The following FASN variants were observed in gnomAD, a reference collection of about 807,000 sequenced individuals.
FASN encodes the protein 3-hydroxyacyl-[acyl-carrier-protein] dehydratase.
Under a neutral mutation model 250.0 loss-of-function variants are expected in FASN, and 50 were observed. The observed-to-expected ratio is 0.20, with a 90% confidence interval of 0.16 to 0.25. The LOEUF is 0.25. Among genes scored for constraint, FASN ranks in the 10% least tolerant of loss-of-function variants. FASN has a pLI of 1.00. For synonymous variants in FASN, 1,909 were observed against 1,584.0 expected, an observed-to-expected ratio of 1.21 and a Z score of -4.87; for missense variants, 3,031 against 3,498.5, an observed-to-expected ratio of 0.87 and a Z score of 3.37.
chr17:82,089,774 C>T lies in FASN; in HGVS notation c.1871-48G>A, dbSNP rs1170798389. The T allele has an allele frequency of 2.0e-6, 3 of 1,492,328 alleles. No homozygotes were observed. In the South Asian group the frequency reaches 3.6e-5, roughly 18 times the overall value. 92.4% of individuals were successfully genotyped at this position (1,492,328 alleles called of 1,614,324 possible). On this transcript the variant is annotated intron_variant, in intron 11 of 42. Transcript: ENST00000306749. Reference sequence around the variant, plus strand: ...GGCTTAGCGTGGACACCGAGCCGCTCCCAGCCACCCACCCACCCAGACACT... The same window carrying T: ...GGCTTAGCGTGGACACCGAGCCGCTTCCAGCCACCCACCCACCCAGACACT...
intron 15 of FASN, 74 bp downstream of exon 15, chr17:82,088,686 GC>G: frequency 6.6e-7 from 1 of 1,514,246 alleles, no homozygotes; most frequent in Non-Finnish European, 9.1e-7. Flanking sequence ...TCAGTGAGGG[GC>G]CCGCAGCCCC....
At position 82,085,878 on chromosome 17, in the gene FASN, G is replaced by A. The variant is rs559481797; in HGVS notation, c.3733-7C>T. 6.5e-7 allele frequency: 1 copy of A among 1,528,978 alleles called. No individual in the cohort carries two copies. The highest frequency in any genetic ancestry group is 1.9e-5 in the Admixed American group (1 of 51,526). The allele number at this position is 1,528,978 out of a possible 1,614,324, so 94.7% of individuals were successfully genotyped here. A position where few individuals can be genotyped will look rare whatever the true frequency, so the allele number is the denominator to read the frequency against. On this transcript the variant is annotated splice_region_variant and splice_polypyrimidine_tract_variant and intron_variant, in intron 22 of 42. Coordinates refer to ENST00000306749, the MANE Select transcript of FASN (RefSeq NM_004104.5). ...GACCGTGGCCAGCCAGCACCTGTAG[G>A]GGGTGAATTCTGGAATCAGCCCCAC...
chr17:82,093,092 G>A lies in FASN; in HGVS notation c.656-73C>T. On this transcript the variant is annotated intron_variant, in intron 5 of 42. Coordinates refer to ENST00000306749, the MANE Select transcript of FASN (RefSeq NM_004104.5). ...CCCACCCCACCAGGAGGAGCTCTGG[G>A]GTGTGGGGTGGGTGCTTGGGTGGGG... 8 of 1,593,308 alleles carry A rather than the reference G, an allele frequency of 5.0e-6. No homozygotes were observed. In the South Asian group the frequency reaches 7.9e-5, roughly 16 times the overall value.
chr17:82,081,820 T>C lies in FASN; in HGVS notation c.6187A>G (p.Ile2063Val), dbSNP rs759457636. 3 of 1,604,914 alleles carry C rather than the reference T, an allele frequency of 1.9e-6. No homozygotes were observed. Among genetic ancestry groups the C allele is most frequent in the East Asian group, 2.3e-5 (1 of 44,362 alleles). Reference protein sequence around the residue: ...LPGLAVQWGAIGDVGILVETM... With the variant: ...LPGLAVQWGAVGDVGILVETM... ...TCCACCAAAATGCCCACGTCGCCGATGGCGCCCCACTGCACGGCCAGGCCT... is the reference window on the plus strand; with the variant it reads ...TCCACCAAAATGCCCACGTCGCCGACGGCGCCCCACTGCACGGCCAGGCCT... The change falls in exon 37 of 43, where the codon ATC becomes GTC. Residue 2063 changes from isoleucine (I) to valine (V), a missense_variant. By Grantham distance (29) the Ile-to-Val change is conservative. Transcript: ENST00000306749.
chr17:82,081,321 G>A lies in FASN; in HGVS notation c.6438C>T (p.Asp2146=). 1 of 1,557,984 alleles carries A rather than the reference G, an allele frequency of 6.4e-7. No individual in the cohort carries two copies. Among genetic ancestry groups the A allele is most frequent in the Non-Finnish European group, 8.7e-7 (1 of 1,151,376 alleles). Residue 2146 remains aspartate (D), a synonymous_variant, in exon 38 of 43, where the codon GAC becomes GAT. Coordinates refer to ENST00000306749, the MANE Select transcript of FASN (RefSeq NM_004104.5). ...CCAGGCCCAGGTCCGCCAGTGAGCTGTCCAGGTTGACAGCAGCCAAGTCGC... is the reference window on the plus strand; with the variant it reads ...CCAGGCCCAGGTCCGCCAGTGAGCTATCCAGGTTGACAGCAGCCAAGTCGC... ...GIRDLAAVNL[D]SSLADLGLDS...
At position 82,088,117 on chromosome 17, in the gene FASN, A is replaced by C. The variant is rs769018400; in HGVS notation, c.2784T>G (p.Thr928=). 1.2e-6 allele frequency: 2 copies of C among 1,612,742 alleles called. No homozygotes were observed. Among genetic ancestry groups the C allele is most frequent in the South Asian group, 1.1e-5 (1 of 91,078 alleles). The change falls in exon 17 of 43, where the codon ACT becomes ACG. Residue 928 remains threonine (T), a splice_region_variant and synonymous_variant. Transcript: ENST00000306749. Reference sequence around the variant, plus strand: ...CCTTGGTCCTGGGGTACCCCTCACCAGTCTTGGGCAGGATGGTGGCCTGGT... The same window carrying C: ...CCTTGGTCCTGGGGTACCCCTCACCCGTCTTGGGCAGGATGGTGGCCTGGT... The part of the protein sequence containing the change: ...VLHQATILPK[T]GTVSLEVRLL...
chr17:82,080,651 C>A (rs1338575038), intron 39 of FASN, 41 bp downstream of exon 39: 1 of 1,554,426 alleles, frequency 6.4e-7, no homozygotes, highest in Non-Finnish European at 8.7e-7. Context: ...CCCGTGATGG[C>A]CAGCACTGAC....
At position 82,093,767 on chromosome 17, in the gene FASN, G is replaced by A. The variant is rs1344354574; in HGVS notation, c.285C>T (p.Ile95=). The A allele has an allele frequency of 6.2e-7, 1 of 1,612,274 alleles. No homozygotes were observed. The highest frequency in any genetic ancestry group is 8.5e-7 in the Non-Finnish European group (1 of 1,179,854). Residue 95 remains isoleucine, a synonymous_variant, in exon 4 of 43, where the codon ATC becomes ATT. Coordinates refer to ENST00000306749, the MANE Select transcript of FASN (RefSeq NM_004104.5). ...VTYEAIVDGG[I]NPDSLRGTHT... ...GTGTTCCTCGGAGTGAATCTGGGTT[G>A]ATGCCTGCCACAAACAGTGGTCAAG... is the stretch of plus-strand genomic sequence containing the variant.
At position 82,084,754 on chromosome 17, in the gene FASN, C is replaced by T. The variant is rs200746610; in HGVS notation, c.4565-38G>A. On this transcript the variant is annotated intron_variant, in intron 26 of 42. Coordinates refer to ENST00000306749, the MANE Select transcript of FASN (RefSeq NM_004104.5). ...GGAGGTGGGGCTGCTGCGGGGCCTT[C>T]GGGTGCAGTCTCCCGGGAGGGGCAG... 6.3e-5 allele frequency: 97 copies of T among 1,550,044 alleles called. No individual in the cohort carries two copies. The African/African-American group carries it at 9.0e-4, about 14-fold the overall frequency.
At position 82,088,290 on chromosome 17, in the gene FASN, G is replaced by A; in HGVS notation, c.2611C>T (p.Pro871Ser). Residue 871 changes from proline to serine, a missense_variant, in exon 17 of 43, where the codon CCT becomes TCT. Pro to Ser is a moderately conservative substitution (Grantham distance 74). Coordinates refer to ENST00000306749, the MANE Select transcript of FASN (RefSeq NM_004104.5). ...IYNIDTSSES[P>S]DHYLVDHTLD... ...GTGTGGTCCACCAGGTAGTGGTCAG[G>A]AGACTCGGAGCTGGTGTCTGCGGGA... 1 of 1,606,432 alleles carries A rather than the reference G, an allele frequency of 6.2e-7. No individual in the cohort carries two copies. The highest frequency in any genetic ancestry group is 1.3e-5 in the African/African-American group (1 of 75,054).
At position 82,080,828 on chromosome 17, in the gene FASN, G is replaced by A; in HGVS notation, c.6690C>T (p.Thr2230=). 1.2e-6 allele frequency: 2 copies of A among 1,610,494 alleles called. No individual in the cohort carries two copies. The highest frequency in any genetic ancestry group is 8.5e-7 in the Non-Finnish European group (1 of 1,179,274). ...RSLLVNPEGP[T]LMRLNSVQSS... is the part of the protein sequence containing the mutation. ...TCTGCACGGAGTTGAGCCGCATCAG[G>A]GTGGGGCCCTCCGGGTTCACCAGCA... The change falls in exon 39 of 43, where the codon ACC becomes ACT. Residue 2230 remains threonine, a synonymous_variant. Transcript: ENST00000306749.
rs1364481203 is a variant in FASN, at chr17:82,098,180, C to CGGGAGGCTGAAGCGCGGCGGAGA, written c.-90_-68dup. On this transcript the variant is annotated 5_prime_UTR_variant, in exon 1 of 43. Transcript: ENST00000306749. ...AGAGCGAGGCTGGAGCGCGGCGGAG[C>CGGGAGGCTGAAGCGCGGCGGAGA]GGGAGGCTGAAGCGCGGCGGAGAGG... 5.5e-6 allele frequency: 2 copies of CGGGAGGCTGAAGCGCGGCGGAGA among 361,692 alleles called. No homozygotes were observed. The highest frequency in any genetic ancestry group is 2.1e-5 in the African/African-American group (1 of 46,910). 22.4% of individuals were successfully genotyped at this position (361,692 alleles called of 1,614,324 possible). A position where few individuals can be genotyped will look rare whatever the true frequency, so the allele number is the denominator to read the frequency against.
At position 82,088,739 on chromosome 17, in the gene FASN, C is replaced by A. The variant is rs373753475; in HGVS notation, c.2420+22G>T. On this transcript the variant is annotated intron_variant, in intron 15 of 42. Coordinates refer to ENST00000306749, the MANE Select transcript of FASN (RefSeq NM_004104.5). ...CCGTCCCCGACTCCGGGAGACGAGA[C>A]CCGGGCTGGGAAGGGACCCACCCTG... is the stretch of plus-strand genomic sequence containing the variant. 119 of 1,602,636 alleles carry A rather than the reference C, an allele frequency of 7.4e-5. 3 individuals carry two copies. In the East Asian group the frequency reaches 1.1e-3, roughly 14 times the overall value.
At position 82,086,278 on chromosome 17, in the gene FASN, G is replaced by T; in HGVS notation, c.3708C>A (p.Pro1236=). The T allele has an allele frequency of 6.3e-7, 1 of 1,582,022 alleles. No individual in the cohort carries two copies. The change falls in exon 22 of 43, where the codon CCC becomes CCA. Residue 1236 remains proline, a synonymous_variant. Transcript: ENST00000306749. ...CCTCCACCACCTTCATCTTCAGGCT[G>T]GGCATGTTCTCCACGGCAGTGTCCA... The part of the protein sequence containing the change: ...ACLDTAVENM[P]SLKMKVVEVL...
rs902154760 is a variant in FASN, at chr17:82,091,320, A to G, written c.1394T>C (p.Met465Thr). Reference sequence around the variant, plus strand: ...CAGCACAGCGTAGCCACGGAAGGGCATGGCGGTGGCGGGGACAGCCGCGAT... The same window carrying G: ...CAGCACAGCGTAGCCACGGAAGGGCGTGGCGGTGGCGGGGACAGCCGCGAT... Reference protein sequence around the residue: ...NDIAAVPATAMPFRGYAVLGG... With the variant: ...NDIAAVPATATPFRGYAVLGG... The change falls in exon 9 of 43, where the codon ATG (methionine) becomes ACG (threonine). Residue 465 changes from methionine to threonine, a missense_variant. Coordinates refer to ENST00000306749, the MANE Select transcript of FASN (RefSeq NM_004104.5). The G allele has an allele frequency of 1.2e-6, 2 of 1,610,830 alleles. No homozygotes were observed. The highest frequency in any genetic ancestry group is 2.7e-5 in the African/African-American group (2 of 74,904).
At chr17:82,095,730 G>A (rs2034292214) in intron 2 of FASN, among the ~76,000 whole-genome samples, 1 of 152,224 alleles carries the variant, frequency 6.6e-6, no homozygotes. Flanking sequence ...CAGAGAGCTC[G>A]GCGGGAGTGA....
At position 82,091,408 on chromosome 17, in the gene FASN, T is replaced by G. The variant is rs2034204592; in HGVS notation, c.1306A>C (p.Lys436Gln). ...ASGRTPEAVQ[K>Q]LLEQGLRHSQ... The stretch of plus-strand genomic sequence containing the variant: ...TGCCGGAGGCCCTGCTCCAGCAGCT[T>G]CTGCACGGCCTCAGGGGTGCGTCCG... Residue 436 changes from lysine (K) to glutamine (Q), a missense_variant, in exon 9 of 43, where the codon AAG becomes CAG. Transcript: ENST00000306749. 6.2e-7 allele frequency: 1 copy of G among 1,610,132 alleles called. No individual in the cohort carries two copies. The highest frequency in any genetic ancestry group is 1.1e-5 in the South Asian group (1 of 90,728).
In FASN at chr17:82,085,884, A is replaced by G. The variant is rs766738513; in HGVS notation, c.3733-13T>C. On this transcript the variant is annotated splice_polypyrimidine_tract_variant and intron_variant, in intron 22 of 42. Coordinates refer to ENST00000306749, the MANE Select transcript of FASN (RefSeq NM_004104.5). ...GGCCAGCCAGCACCTGTAGGGGGTG[A>G]ATTCTGGAATCAGCCCCACACCAGG... 16 of 1,523,386 alleles carry G rather than the reference A, an allele frequency of 1.1e-5. No homozygotes were observed. In the South Asian group the frequency reaches 1.5e-4, roughly 14 times the overall value. 94.4% of individuals were successfully genotyped at this position (1,523,386 alleles called of 1,614,324 possible). A position where few individuals can be genotyped will look rare whatever the true frequency, so the allele number is the denominator to read the frequency against.
chr17:82,086,406 G>C lies in FASN; in HGVS notation c.3580C>G (p.Leu1194Val). 6.2e-7 allele frequency: 1 copy of C among 1,611,076 alleles called. No homozygotes were observed. The highest frequency in any genetic ancestry group is 1.3e-5 in the African/African-American group (1 of 75,052). Residue 1194 changes from leucine (L) to valine (V), a missense_variant, in exon 22 of 43, where the codon CTG becomes GTG. Transcript: ENST00000306749. ...AACRLQLNGN[L>V]QLELAQVLAQ... ...AGCACCTGCGCCAGCTCCAGCTGCA[G>C]GTTCCCGTTGAGCTGAAGCCTGCAG...
Sources: gnomAD v4.1 joint callset for allele counts (sites outside exome capture counted in the v4.1 genomes callset) on GRCh38, gnomAD v4.1.1 for gene constraint, MANE v1.5 for transcripts, NCBI Gene and HGNC (gene_info 2026-07-23, HGNC 2026-07-21) for gene names.